Variants in GTF2H1 observed in about 807,000 individuals in gnomAD.
GTF2H1 encodes the protein BTF2 p62.
Under a neutral mutation model 71.2 loss-of-function variants are expected in GTF2H1, and 16 were observed. That is an observed-to-expected ratio of 0.22 (90% CI 0.15 to 0.34). The LOEUF (loss-of-function observed/expected upper bound fraction) is 0.34. Ranked by LOEUF, GTF2H1 falls within the 10% of genes least tolerant of loss-of-function variation. The pLI is 1.00. For missense variants in GTF2H1, 498 were observed against 648.2 expected, an observed-to-expected ratio of 0.77 and a Z score of 2.52; for synonymous variants, 215 against 219.0, an observed-to-expected ratio of 0.98 and a Z score of 0.16.
chr11:18,341,112 C>T (rs1865146591), intron 5 of GTF2H1, 149 bp from the exon 6 acceptor site: 1 of 609,462 alleles, frequency 1.6e-6, no homozygotes, highest in Non-Finnish European at 2.8e-6. Context: ...TCAAGTTACC[C>T]TTCATATTTA....
chr11:18,338,311 A>G (rs757200885), intron 4 of GTF2H1, 37 bp downstream of exon 4: 4 of 1,404,848 alleles, frequency 2.8e-6, no homozygotes, highest in Non-Finnish European at 4.0e-6. Flanking sequence ...GAAAATAAAA[A>G]TTCAAACCCC....
intron 14 of GTF2H1, among the ~76,000 whole-genome samples, chr11:18,362,977 C>G (rs1379917819): frequency 1.3e-5 from 2 of 151,884 alleles, no homozygotes; most frequent in African/African-American, 4.8e-5. Flanking sequence ...TGCCTTTTTT[C>G]TATTTTTAAT....
At chr11:18,362,125 A>G (rs557976069) in intron 14 of GTF2H1, among the ~76,000 whole-genome samples, 10 of 152,330 alleles carry the variant, frequency 6.6e-5, no homozygotes, top group Non-Finnish European at 1.3e-4. Flanking sequence ...CTTCTAGGCT[A>G]TATGGTGTAG....
intron 1 of GTF2H1, among the ~76,000 whole-genome samples, chr11:18,324,079 T>C (rs2133947166): frequency 6.6e-6 from 1 of 152,146 alleles, no homozygotes; most frequent in African/African-American, 2.4e-5. Context: ...AGACGGAGTT[T>C]TGCTCTTGTT....
intron 1 of GTF2H1, among the ~76,000 whole-genome samples, chr11:18,330,902 T>C (rs1326257546): frequency 6.6e-6 from 1 of 152,184 alleles, no homozygotes; most frequent in East Asian, 1.9e-4. Flanking sequence ...GAATAGCCTG[T>C]AAAGACCTAT....
chr11:18,335,549 G>A (rs1354231133), intron 2 of GTF2H1, among the ~76,000 whole-genome samples: 1 of 152,222 alleles, frequency 6.6e-6, no homozygotes, highest in African/African-American at 2.4e-5. Context: ...ACCAAAGAAG[G>A]AAGCAGAGTG....
chr11:18,333,087 T>C lies in GTF2H1; in HGVS notation c.13T>C (p.Ser5Pro), dbSNP rs772061354. The change falls in exon 2 of 15, where the codon TCT (serine) becomes CCT (proline). Residue 5 changes from serine to proline, a missense_variant. Coordinates refer to ENST00000265963, the MANE Select transcript of GTF2H1 (RefSeq NM_005316.4). The stretch of plus-strand genomic sequence containing the variant: ...CCTTCTAGCCACCATGGCAACCTCA[T>C]CTGAAGAAGTTTTGCTGATTGTAAA... MATS[S>P]EEVLLIVKKV... is the part of the protein sequence containing the mutation. 18 of 1,611,372 alleles carry C rather than the reference T, an allele frequency of 1.1e-5. No individual in the cohort carries two copies. The highest frequency in any genetic ancestry group is 1.4e-5 in the Non-Finnish European group (17 of 1,179,588).
chr11:18,330,350 A>C (rs1186223992), intron 1 of GTF2H1, among the ~76,000 whole-genome samples: 1 of 152,180 alleles, frequency 6.6e-6, no homozygotes, highest in Non-Finnish European at 1.5e-5. Flanking sequence ...AGAAAGGCAG[A>C]TTTGTTAGAG....
intron 1 of GTF2H1, among the ~76,000 whole-genome samples, chr11:18,323,456 A>G (rs1457211319): frequency 1.3e-5 from 2 of 152,102 alleles, no homozygotes; most frequent in African/African-American, 4.8e-5. Context: ...GCCTGGCCCC[A>G]AATGACTCCT....
At chr11:18,359,989 C>T (rs553890518) in intron 13 of GTF2H1, among the ~76,000 whole-genome samples, 17 of 151,856 alleles carry the variant, frequency 1.1e-4, no homozygotes, top group African/African-American at 3.9e-4. Context: ...CAGGTGATCA[C>T]CTGAGCCTAG....
intron 2 of GTF2H1, chr11:18,333,507 GTATT>G (rs1864950154): frequency 4.6e-6 from 1 of 217,996 alleles, no homozygotes; most frequent in African/African-American, 2.3e-5. Context: ...ATACAATCAT[GTATT>G]TAACCAGCCC....
intron 11 of GTF2H1, among the ~76,000 whole-genome samples, chr11:18,356,377 CAAA>C (rs771914874): frequency 5.2e-5 from 4 of 76,930 alleles, no homozygotes; most frequent in Non-Finnish European, 5.8e-5. Flanking sequence ...GACTCTGTCT[CAAA>C]AAAAAAAAAA....
chr11:18,324,857 A>G (rs1225950736), intron 1 of GTF2H1, among the ~76,000 whole-genome samples: 2 of 152,148 alleles, frequency 1.3e-5, no homozygotes, highest in Non-Finnish European at 2.9e-5. Context: ...TCTCTGTCGC[A>G]TTTTCCTCCT....
At chr11:18,327,544 T>C (rs1864795156) in intron 1 of GTF2H1, among the ~76,000 whole-genome samples, 1 of 152,208 alleles carries the variant, frequency 6.6e-6, no homozygotes, top group Non-Finnish European at 1.5e-5. Flanking sequence ...GATTATTAAC[T>C]GGGGACTGAG....
In GTF2H1 at chr11:18,339,713, T is replaced by C. The variant is rs182471873; in HGVS notation, c.607+56T>C. The C allele has an allele frequency of 2.1e-3, 2,155 of 1,032,864 alleles. 8 individuals are homozygous for C. The highest frequency in any genetic ancestry group is 0.013 in the Middle Eastern group (53 of 4,144). The allele number at this position is 1,032,864 out of a possible 1,614,324, so 64.0% of individuals were successfully genotyped here. The stretch of plus-strand genomic sequence containing the variant: ...AAATATATGGATATATTCTATAGTA[T>C]ATCAGTGAAAAACAAAAAGCTTCAG... On this transcript the variant is annotated intron_variant, in intron 5 of 14. Coordinates refer to ENST00000265963, the MANE Select transcript of GTF2H1 (RefSeq NM_005316.4).
At chr11:18,329,138 A>C (rs1009015840) in intron 1 of GTF2H1, among the ~76,000 whole-genome samples, 1 of 150,656 alleles carries the variant, frequency 6.6e-6, no homozygotes, top group African/African-American at 2.4e-5. Flanking sequence ...TAAGGTAAGC[A>C]CAATTAAAAA....
chr11:18,356,664 A>G (rs1033684293), intron 11 of GTF2H1, among the ~76,000 whole-genome samples: 1 of 152,118 alleles, frequency 6.6e-6, no homozygotes, highest in African/African-American at 2.4e-5. Flanking sequence ...AGCTTACTGC[A>G]ACCTTGAACT....
intron 1 of GTF2H1, among the ~76,000 whole-genome samples, chr11:18,326,883 A>G (rs552787158): frequency 6.6e-6 from 1 of 152,178 alleles, no homozygotes; most frequent in South Asian, 2.1e-4. Flanking sequence ...TATGTTTCCT[A>G]ATTTGTATGG....
chr11:18,365,370 T>A (rs999618643), intron 14 of GTF2H1, among the ~76,000 whole-genome samples: 29 of 151,992 alleles, frequency 1.9e-4, no homozygotes, highest in African/African-American at 7.0e-4. Flanking sequence ...AGAGCAAGAC[T>A]CTGTCTCAAA....
Sources: gnomAD v4.1 joint callset for allele counts (sites outside exome capture counted in the v4.1 genomes callset) on GRCh38, gnomAD v4.1.1 for gene constraint, MANE v1.5 for transcripts, NCBI Gene and HGNC (gene_info 2026-07-23, HGNC 2026-07-21) for gene names.